Variants in KCNIP4 observed in about 807,000 individuals in gnomAD.
KCNIP4 encodes Kv channel-interacting protein 4.
Under a neutral mutation model 34.0 loss-of-function variants are expected in KCNIP4, and 12 were observed. The ratio of observed to expected loss-of-function variants is 0.35; its 90% CI spans 0.23 to 0.57. The LOEUF (loss-of-function observed/expected upper bound fraction) is 0.57, where lower values mean the gene tolerates loss of function less well. Among genes scored for constraint, KCNIP4 ranks in the 20% least tolerant of loss-of-function variants. The probability of loss-of-function intolerance (pLI) is 0.83; values close to 1 mark genes in which losing one functional copy is unlikely to be tolerated. For synonymous variants in KCNIP4, 124 were observed against 102.2 expected (o/e 1.21, Z -1.29); for missense variants, 238 against 311.7 (o/e 0.76, Z 1.78).
intron 1 of KCNIP4, among the ~76,000 whole-genome samples, chr4:21,410,812 T>G (rs921030856): frequency 1.6e-4 from 24 of 152,330 alleles, no homozygotes; most frequent in Admixed American, 6.5e-4. Flanking sequence ...AAGGAGAAAT[T>G]TATCCTATGT....
Position 21,394,495 on chromosome 4 carries a change from T to C in KCNIP4, c.62-511786A>G, listed in dbSNP as rs1407732441. The stretch of plus-strand genomic sequence containing the variant: ...TCAATCATGGCCAGTCAATTTTCAC[T>C]GGGATTACTCATATGGAACCCAGTA... On this transcript the variant is annotated intron_variant, in intron 1 of 8. Coordinates refer to ENST00000382152, the MANE Select transcript of KCNIP4 (RefSeq NM_025221.6). Among the ~76,000 whole-genome samples the C allele has an allele frequency of 7.2e-5, 11 of 152,200 alleles. No individual in the cohort carries two copies. In the East Asian group the frequency reaches 2.1e-3, roughly 29 times the overall value.
chr4:20,730,758 A>ATTCTT (rs1747900324), intron 8 of KCNIP4, among the ~76,000 whole-genome samples: 2 of 152,298 alleles, frequency 1.3e-5, no homozygotes, highest in African/African-American at 2.4e-5. Context: ...AGTTTAGCAT[A>ATTCTT]TTCTTTAGAA....
intron 1 of KCNIP4, among the ~76,000 whole-genome samples, chr4:20,927,719 A>G (rs367751738): frequency 8.5e-5 from 13 of 152,214 alleles, no homozygotes; most frequent in African/African-American, 2.9e-4. Flanking sequence ...TGTTTTCAGT[A>G]TGTGGTACAG....
At chr4:20,911,588 G>A (rs180694776) in intron 1 of KCNIP4, among the ~76,000 whole-genome samples, 2 of 152,264 alleles carry the variant, frequency 1.3e-5, no homozygotes, top group East Asian at 3.9e-4. Context: ...GATGAGTGCA[G>A]TAAGGCTAAA....
chr4:21,914,013 G>C (rs112031083), intron 1 of KCNIP4, among the ~76,000 whole-genome samples: 1 of 152,188 alleles, frequency 6.6e-6, no homozygotes, highest in South Asian at 2.1e-4. Context: ...TCAGTGTAGA[G>C]AGCCAAGGAA....
At chr4:21,188,885 G>C (rs1755435032) in intron 1 of KCNIP4, among the ~76,000 whole-genome samples, 1 of 152,194 alleles carries the variant, frequency 6.6e-6, no homozygotes, top group Non-Finnish European at 1.5e-5. Context: ...ATCTAGAAAG[G>C]AGCTAGGCAC....
intron 1 of KCNIP4, among the ~76,000 whole-genome samples, chr4:21,380,697 T>A (rs373584338): frequency 2.0e-5 from 3 of 152,232 alleles, no homozygotes; most frequent in African/African-American, 7.2e-5. Flanking sequence ...GCCATAATCA[T>A]ATTTTTGGCT....
At chr4:21,098,679 C>G (rs917505035) in intron 1 of KCNIP4, among the ~76,000 whole-genome samples, 2 of 152,106 alleles carry the variant, frequency 1.3e-5, no homozygotes, top group Non-Finnish European at 2.9e-5. Flanking sequence ...GACAATACAC[C>G]TGGTCATTCA....
intron 2 of KCNIP4, among the ~76,000 whole-genome samples, chr4:20,875,125 G>C (rs181702415): frequency 4.1e-4 from 62 of 152,224 alleles, no homozygotes; most frequent in Non-Finnish European, 7.5e-4. Context: ...TCATTCAAGG[G>C]GCTACCACCA....
At chr4:21,394,008 G>A (rs1261333704) in intron 1 of KCNIP4, among the ~76,000 whole-genome samples, 2 of 152,086 alleles carry the variant, frequency 1.3e-5, no homozygotes, top group Non-Finnish European at 2.9e-5. Flanking sequence ...CTTGCCTACT[G>A]CGTGAAGTGT....
At chr4:21,252,262 G>C (rs960540998) in intron 1 of KCNIP4, among the ~76,000 whole-genome samples, 1 of 151,562 alleles carries the variant, frequency 6.6e-6, no homozygotes. Flanking sequence ...CGAGTAGCCA[G>C]GATTACAGGC....
chr4:20,901,895 A>G (rs1042150557), intron 1 of KCNIP4, among the ~76,000 whole-genome samples: 1 of 151,388 alleles, frequency 6.6e-6, no homozygotes, highest in Non-Finnish European at 1.5e-5. Flanking sequence ...TTTCCAAGAA[A>G]GGAAAAAAAA....
At chr4:21,351,687 T>C (rs1353001959) in intron 1 of KCNIP4, among the ~76,000 whole-genome samples, 1 of 152,154 alleles carries the variant, frequency 6.6e-6, no homozygotes, top group Admixed American at 6.5e-5. Context: ...ATATGGTTGG[T>C]GTCCTTATAA....
In KCNIP4 at chr4:21,510,185, T is replaced by C. The variant is rs148813208; in HGVS notation, c.61+438386A>G. Among the ~76,000 whole-genome samples, 1,450 of 152,244 alleles carry C rather than the reference T, an allele frequency of 9.5e-3. 20 individuals carry two copies. Among genetic ancestry groups the C allele is most frequent in the African/African-American group, 0.033 (1,380 of 41,520 alleles). On this transcript the variant is annotated intron_variant, in intron 1 of 8. Transcript: ENST00000382152. ...CCTATTGAAATGATGTTAATGAATT[T>C]TGGCTCTGAAAGCCTGTACTTCAAA...
chr4:21,691,454 A>T (rs1422496498), intron 1 of KCNIP4, among the ~76,000 whole-genome samples: 1 of 152,020 alleles, frequency 6.6e-6, no homozygotes, highest in African/African-American at 2.4e-5. Flanking sequence ...ATTACCCCTT[A>T]TTGCTCCAAT....
chr4:21,888,554 TA>T (rs2109397346), intron 1 of KCNIP4, among the ~76,000 whole-genome samples: 1 of 152,218 alleles, frequency 6.6e-6, no homozygotes, highest in South Asian at 2.1e-4. Flanking sequence ...CTAGGACACA[TA>T]AGGGTGATTA....
intron 5 of KCNIP4, among the ~76,000 whole-genome samples, chr4:20,736,702 TAC>T (rs1205667104): frequency 1.3e-5 from 2 of 152,222 alleles, no homozygotes; most frequent in East Asian, 3.8e-4. Context: ...GCATGATACT[TAC>T]TTTTATCATG....
chr4:21,075,388 T>C (rs1745389568), intron 1 of KCNIP4, among the ~76,000 whole-genome samples: 1 of 152,220 alleles, frequency 6.6e-6, no homozygotes, highest in Non-Finnish European at 1.5e-5. Context: ...TTTACCATTA[T>C]GTAATGGCCT....
chr4:20,941,604 G>A (rs867626486), intron 1 of KCNIP4, among the ~76,000 whole-genome samples: 1 of 152,024 alleles, frequency 6.6e-6, no homozygotes, highest in African/African-American at 2.4e-5. Context: ...AATTTAAGAC[G>A]GCAAACAACA....
Sources: allele counts gnomAD v4.1 joint callset (sites outside exome capture counted in the v4.1 genomes callset), GRCh38; gene constraint gnomAD v4.1.1; transcripts MANE v1.5; gene names NCBI Gene and HGNC (gene_info 2026-07-23, HGNC 2026-07-21).